RNF169: variants seen among roughly 807,000 people sequenced by gnomAD.
RNF169 encodes the protein ring finger protein 169.
A neutral mutation model predicts 53.9 loss-of-function variants in RNF169; 24 were observed. That is an observed-to-expected ratio of 0.45 (90% CI 0.32 to 0.63). The LOEUF is 0.63. Among genes scored for constraint, RNF169 ranks in the 20% least tolerant of loss-of-function variants. RNF169 has a pLI of 0.04. For missense variants in RNF169, 883 were observed against 906.2 expected (o/e 0.97, Z 0.33); for synonymous variants, 396 against 363.5 (o/e 1.09, Z -1.02).
intron 5 of RNF169, among the ~76,000 whole-genome samples, chr11:74,835,017 C>G (rs1468347630): frequency 2.0e-5 from 3 of 152,096 alleles, no homozygotes; most frequent in Non-Finnish European, 2.9e-5. Flanking sequence ...GAGTCTCACT[C>G]TGTTACCTAG....
intron 1 of RNF169, among the ~76,000 whole-genome samples, chr11:74,752,421 A>G (rs112919785): frequency 1.3e-5 from 2 of 151,786 alleles, no homozygotes; most frequent in African/African-American, 4.8e-5. Flanking sequence ...ACATGGTGAA[A>G]CCTTGTCTCT....
At chr11:74,783,206 T>C (rs2035442645) in intron 1 of RNF169, among the ~76,000 whole-genome samples, 1 of 152,122 alleles carries the variant, frequency 6.6e-6, no homozygotes, top group Non-Finnish European at 1.5e-5. Context: ...GATGGTTTAA[T>C]GCAATTAGCA....
At chr11:74,763,102 A>T (rs371491970) in intron 1 of RNF169, among the ~76,000 whole-genome samples, 66 of 152,324 alleles carry the variant, frequency 4.3e-4, no homozygotes, top group African/African-American at 1.6e-3. Flanking sequence ...GCAAAGAGAA[A>T]ATGAAAAAAG....
chr11:74,797,810 G>A (rs944164803), intron 2 of RNF169, among the ~76,000 whole-genome samples: 1 of 152,144 alleles, frequency 6.6e-6, no homozygotes, highest in Non-Finnish European at 1.5e-5. Flanking sequence ...TGTGTTGTGG[G>A]AAGTCAGGGA....
intron 1 of RNF169, among the ~76,000 whole-genome samples, chr11:74,749,588 G>A (rs1159748132): frequency 6.6e-6 from 1 of 152,224 alleles, no homozygotes; most frequent in East Asian, 1.9e-4. Flanking sequence ...ATGCGGAGGG[G>A]CGGTGAGGGC....
intron 2 of RNF169, among the ~76,000 whole-genome samples, chr11:74,806,261 A>G (rs956395623): frequency 8.5e-5 from 13 of 152,240 alleles, no homozygotes; most frequent in Non-Finnish European, 2.9e-5. Context: ...ATCTTTAGTC[A>G]TTAGAGAAAT....
At chr11:74,805,534 ATTC>A (rs1034694840) in intron 2 of RNF169, among the ~76,000 whole-genome samples, 12 of 152,202 alleles carry the variant, frequency 7.9e-5, no homozygotes, top group Admixed American at 6.5e-4. Context: ...TAAAAAATGA[ATTC>A]TTAATATAAA....
At chr11:74,758,592 C>A (rs1229587507) in intron 1 of RNF169, among the ~76,000 whole-genome samples, 9 of 151,744 alleles carry the variant, frequency 5.9e-5, no homozygotes, top group African/African-American at 2.2e-4. Context: ...AGCTCCGCCT[C>A]CCGGTTTCAC....
intron 4 of RNF169, among the ~76,000 whole-genome samples, chr11:74,819,791 G>A (rs538941414): frequency 6.6e-6 from 1 of 152,130 alleles, no homozygotes; most frequent in African/African-American, 2.4e-5. Context: ...TTTAGCCTTC[G>A]AATGCTTTAG....
Position 74,765,188 on chromosome 11 carries a change from G to A in RNF169, c.502+15806G>A, listed in dbSNP as rs1275843045. ...CGTGCCACTGTACTCCAACCTAGGT[G>A]ACAGAGCGAGATCCTGTCTCAACGA... On this transcript the variant is annotated intron_variant, in intron 1 of 5. Transcript: ENST00000299563. 2.6e-5 allele frequency among the ~76,000 whole-genome samples: 4 copies of A among 152,120 alleles called. No homozygotes were observed. In the East Asian group the frequency reaches 7.7e-4, roughly 29 times the overall value.
intron 1 of RNF169, among the ~76,000 whole-genome samples, chr11:74,763,229 A>G (rs1392515358): frequency 6.6e-6 from 1 of 152,216 alleles, no homozygotes; most frequent in African/African-American, 2.4e-5. Flanking sequence ...GAGACAGGAA[A>G]AGACTCTGAG....
intron 1 of RNF169, among the ~76,000 whole-genome samples, chr11:74,770,877 C>A (rs550622243): frequency 2.0e-5 from 3 of 152,262 alleles, no homozygotes; most frequent in South Asian, 4.2e-4. Flanking sequence ...ACGATCTCAG[C>A]TCACTACAAC....
intron 5 of RNF169, 51 bp downstream of exon 5, chr11:74,834,826 C>A: frequency 8.2e-7 from 1 of 1,213,372 alleles, no homozygotes; most frequent in South Asian, 1.3e-5. Flanking sequence ...CCCCATCACC[C>A]CCTCTGCACA....
At position 74,794,220 on chromosome 11, in the gene RNF169, C is replaced by T. The variant is rs774303924; in HGVS notation, c.576+4521C>T. ...TCCTGGGACAACAATGGCAATAAGA[C>T]TAGTTAGGACACTTTGAGAGTAAGC... On this transcript the variant is annotated intron_variant, in intron 2 of 5. Transcript: ENST00000299563. Among the ~76,000 whole-genome samples the T allele has an allele frequency of 2.0e-5, 3 of 152,280 alleles. No homozygotes were observed. The South Asian group carries it at 6.2e-4, about 32-fold the overall frequency.
chr11:74,754,757 T>C (rs547928292), intron 1 of RNF169, among the ~76,000 whole-genome samples: 2 of 152,216 alleles, frequency 1.3e-5, no homozygotes, highest in South Asian at 2.1e-4. Flanking sequence ...GAGGTAGAGG[T>C]TGCAGTGAGC....
chr11:74,832,098 A>G (rs1352032200), intron 4 of RNF169: 2 of 152,218 alleles, frequency 1.3e-5, no homozygotes, highest in East Asian at 3.8e-4. Context: ...CTCTTACAGC[A>G]CTTATGCTAC....
chr11:74,823,738 GAAAA>G (rs35164191), intron 4 of RNF169, among the ~76,000 whole-genome samples: 3 of 105,770 alleles, frequency 2.8e-5, no homozygotes, highest in Admixed American at 9.8e-5. Flanking sequence ...CCCTGTCTCA[GAAAA>G]AAAAAAAAAA....
chr11:74,779,481 G>A (rs1209522170), intron 1 of RNF169, among the ~76,000 whole-genome samples: 1 of 152,118 alleles, frequency 6.6e-6, no homozygotes, highest in Non-Finnish European at 1.5e-5. Flanking sequence ...ACTTGTCTTA[G>A]GCAAGGGGGT....
intron 2 of RNF169, among the ~76,000 whole-genome samples, chr11:74,793,230 A>G (rs1043394382): frequency 2.0e-5 from 3 of 152,256 alleles, no homozygotes; most frequent in African/African-American, 7.2e-5. Context: ...GTATGGGAAC[A>G]GGGATTAGCA....
Sources: allele counts gnomAD v4.1 joint callset (sites outside exome capture counted in the v4.1 genomes callset), GRCh38; gene constraint gnomAD v4.1.1; transcripts MANE v1.5; gene names NCBI Gene and HGNC (gene_info 2026-07-23, HGNC 2026-07-21).